Variants in ADGRB3 observed in about 807,000 individuals in gnomAD.
The protein encoded by ADGRB3 is adhesion G protein-coupled receptor B3.
A neutral mutation model predicts 193.4 loss-of-function variants in ADGRB3; 37 were observed. The ratio of observed to expected loss-of-function variants is 0.19; its 90% CI spans 0.15 to 0.25. The LOEUF (loss-of-function observed/expected upper bound fraction) is 0.25, where lower values mean the gene tolerates loss of function less well. ADGRB3 is among the 10% of genes least tolerant of loss of function. The probability of loss-of-function intolerance (pLI) is 1.00; values close to 1 mark genes in which losing one functional copy is unlikely to be tolerated. For synonymous variants in ADGRB3, 690 were observed against 644.2 expected (o/e 1.07, Z -1.08); for missense variants, 1,637 against 1,852.9 (o/e 0.88, Z 2.14).
At chr6:69,213,129 C>T (rs1765701361) in intron 17 of ADGRB3, among the ~76,000 whole-genome samples, 1 of 152,148 alleles carries the variant, frequency 6.6e-6, no homozygotes, top group African/African-American at 2.4e-5. Context: ...AATTAAAGTG[C>T]ATGCACATGA....
intron 30 of ADGRB3, among the ~76,000 whole-genome samples, chr6:69,375,628 T>C (rs1356092304): frequency 6.6e-6 from 1 of 152,134 alleles, no homozygotes; most frequent in Non-Finnish European, 1.5e-5. Flanking sequence ...AGGTAAGTTG[T>C]TCTAATCGTC....
intron 3 of ADGRB3, among the ~76,000 whole-genome samples, chr6:68,732,527 A>G (rs531640825): frequency 1.2e-3 from 181 of 152,084 alleles, no homozygotes; most frequent in Non-Finnish European, 2.2e-3. Flanking sequence ...AAATTATGGT[A>G]TGGTATTGAA....
chr6:68,719,770 T>C (rs1328345387), intron 3 of ADGRB3, among the ~76,000 whole-genome samples: 1 of 151,690 alleles, frequency 6.6e-6, no homozygotes, highest in African/African-American at 2.4e-5. Context: ...TCATTGATGA[T>C]TTGGCATCAA....
At chr6:68,968,144 G>C (rs1382534276) in intron 8 of ADGRB3, among the ~76,000 whole-genome samples, 1 of 151,920 alleles carries the variant, frequency 6.6e-6, no homozygotes, top group Non-Finnish European at 1.5e-5. Context: ...ATGAAGCATT[G>C]ACTTATTTCA....
At chr6:69,171,214 C>T (rs990053171) in intron 17 of ADGRB3, among the ~76,000 whole-genome samples, 6 of 152,086 alleles carry the variant, frequency 3.9e-5, no homozygotes, top group Non-Finnish European at 4.4e-5. Flanking sequence ...AGCTAGTTTT[C>T]GAATGCTCAA....
At chr6:69,262,902 C>T (rs924651477) in intron 20 of ADGRB3, among the ~76,000 whole-genome samples, 3 of 151,808 alleles carry the variant, frequency 2.0e-5, no homozygotes, top group African/African-American at 4.8e-5. Flanking sequence ...AACATATTCC[C>T]GTCCCATAAA....
intron 3 of ADGRB3, among the ~76,000 whole-genome samples, chr6:68,911,597 T>C (rs1037521166): frequency 5.9e-5 from 9 of 152,064 alleles, no homozygotes; most frequent in African/African-American, 2.2e-4. Flanking sequence ...AAAAAGAAAG[T>C]GCACATTTAG....
chr6:69,380,061 T>C (rs2127344683), intron 30 of ADGRB3, among the ~76,000 whole-genome samples: 1 of 152,124 alleles, frequency 6.6e-6, no homozygotes, highest in African/African-American at 2.4e-5. Flanking sequence ...TTCTTTGAAA[T>C]ATGATCCACC....
intron 3 of ADGRB3, among the ~76,000 whole-genome samples, chr6:68,842,559 T>C (rs1768179644): frequency 6.6e-6 from 1 of 151,974 alleles, no homozygotes; most frequent in South Asian, 2.1e-4. Context: ...CTCAACTCAA[T>C]GGCTTCATTA....
chr6:69,147,054 G>A (rs1306113412), intron 17 of ADGRB3, among the ~76,000 whole-genome samples: 1 of 151,048 alleles, frequency 6.6e-6, no homozygotes, highest in African/African-American at 2.4e-5. Context: ...TTTGTTCTTA[G>A]TCTGGCAAAA....
At chr6:69,053,428 C>G (rs1393823243) in intron 15 of ADGRB3, among the ~76,000 whole-genome samples, 1 of 152,196 alleles carries the variant, frequency 6.6e-6, no homozygotes, top group Non-Finnish European at 1.5e-5. Context: ...TTAAGCAATA[C>G]AAACCATAGA....
intron 3 of ADGRB3, among the ~76,000 whole-genome samples, chr6:68,863,873 G>A (rs1045054998): frequency 2.0e-5 from 3 of 151,896 alleles, no homozygotes; most frequent in African/African-American, 4.8e-5. Flanking sequence ...TTAATATCCC[G>A]GGGATATTTG....
intron 20 of ADGRB3, among the ~76,000 whole-genome samples, chr6:69,250,549 T>C (rs1766597923): frequency 6.6e-6 from 1 of 152,180 alleles, no homozygotes; most frequent in South Asian, 2.1e-4. Flanking sequence ...TCACCATTTC[T>C]ACAAGTCAGG....
At position 68,969,926 on chromosome 6, in the gene ADGRB3, C is replaced by T. The variant is rs142103536; in HGVS notation, c.1526-4837C>T. On this transcript the variant is annotated intron_variant, in intron 8 of 31. Transcript: ENST00000370598. ...TTTTTAGAACCCTTCAATGGCTGCC[C>T]ATGTGGCCCTATAGGCTCTAATCAT... Among the ~76,000 whole-genome samples the T allele has an allele frequency of 2.0e-3, 297 of 152,300 alleles. 1 individual carries two copies. Among genetic ancestry groups the T allele is most frequent in the African/African-American group, 6.9e-3 (286 of 41,566 alleles).
chr6:69,358,437 G>A (rs1279624999), intron 28 of ADGRB3, among the ~76,000 whole-genome samples: 1 of 151,788 alleles, frequency 6.6e-6, no homozygotes, highest in East Asian at 1.9e-4. Context: ...TTTTTCCCGG[G>A]CCTCATTGTA....
chr6:69,332,164 G>C (rs1427112132), intron 23 of ADGRB3: 1 of 985,320 alleles, frequency 1.0e-6, no homozygotes, highest in African/African-American at 1.7e-5. Context: ...CTCATCATAA[G>C]CTGGTACAAA....
At chr6:69,309,347 T>G (rs1461052691) in intron 20 of ADGRB3, among the ~76,000 whole-genome samples, 1 of 151,656 alleles carries the variant, frequency 6.6e-6, no homozygotes, top group African/African-American at 2.4e-5. Context: ...AAAGTAAGTG[T>G]TGTATTATTA....
intron 16 of ADGRB3, among the ~76,000 whole-genome samples, chr6:69,073,300 G>T (rs567254317): frequency 3.3e-5 from 5 of 152,082 alleles, no homozygotes; most frequent in Non-Finnish European, 5.9e-5. Context: ...AGAAGTGCCC[G>T]GCAGGAGAGG....
At chr6:68,832,336 G>A (rs1767971258) in intron 3 of ADGRB3, among the ~76,000 whole-genome samples, 1 of 152,036 alleles carries the variant, frequency 6.6e-6, no homozygotes, top group Non-Finnish European at 1.5e-5. Context: ...GTATGTCATA[G>A]TCTTAGTAAA....
Sources: gnomAD v4.1 joint callset for allele counts (sites outside exome capture counted in the v4.1 genomes callset) on GRCh38, gnomAD v4.1.1 for gene constraint, MANE v1.5 for transcripts, NCBI Gene and HGNC (gene_info 2026-07-23, HGNC 2026-07-21) for gene names.